Variants in TUSC3 observed in about 807,000 individuals in gnomAD.
TUSC3 encodes the protein dolichyl-diphosphooligosaccharide--protein glycosyltransferase subunit TUSC3.
TUSC3 carries 45 observed loss-of-function variants against 44.8 expected under a neutral mutation model. The observed-to-expected ratio is 1.00, with a 90% CI of 0.79 to 1.29. The LOEUF is 1.29. Ranked by LOEUF, TUSC3 falls within the 50% of genes most tolerant of loss-of-function variation. The pLI is 0.00. For synonymous variants in TUSC3, 212 were observed against 152.9 expected (o/e 1.39, Z -2.85); for missense variants, 519 against 437.9 (o/e 1.19, Z -1.65).
chr8:15,539,345 C>CTTGTTT (rs1801592125), upstream of TUSC3, among the ~76,000 whole-genome samples: 1 of 69,396 alleles, frequency 1.4e-5, no homozygotes, highest in African/African-American at 6.1e-5. Flanking sequence ...TGCTATGGTT[C>CTTGTTT]TTTTTTTTTT....
intron 2 of TUSC3, among the ~76,000 whole-genome samples, chr8:15,624,862 C>G (rs1004005859): frequency 1.3e-5 from 2 of 151,960 alleles, no homozygotes; most frequent in African/African-American, 4.8e-5. Flanking sequence ...GAACTCTTTC[C>G]TTAGCCCTAG....
In TUSC3 at chr8:15,665,352, G is replaced by C. The variant is rs148873060; in HGVS notation, c.708+3056G>C. ...GACTTTTTAGTAAAGGACAAGTCTA[G>C]GTACAATTAGCAGTTGTGTCTTTTT... On this transcript the variant is annotated intron_variant, in intron 5 of 10. Coordinates refer to ENST00000503731, the MANE Select transcript of TUSC3 (RefSeq NM_006765.4). 1.5e-4 allele frequency among the ~76,000 whole-genome samples: 23 copies of C among 151,612 alleles called. No homozygotes were observed. In the East Asian group the frequency reaches 3.7e-3, roughly 24 times the overall value.
the TUSC3 span, among the ~76,000 whole-genome samples, chr8:15,849,198 G>A: frequency 2.0e-5 from 3 of 152,020 alleles, no homozygotes; most frequent in Non-Finnish European, 4.4e-5. Flanking sequence ...ATTCCACTTC[G>A]TGACGTATTC....
Position 15,758,278 on chromosome 8 carries a change from C to T in TUSC3, c.*46+423C>T, listed in dbSNP as rs1812016845. 3 of 978,390 alleles carry T rather than the reference C, an allele frequency of 3.1e-6. No individual in the cohort carries two copies. In the South Asian group the frequency reaches 1.4e-4, roughly 46 times the overall value. 60.6% of individuals were successfully genotyped at this position (978,390 alleles called of 1,614,324 possible). Reference sequence around the variant, plus strand: ...TAATAAAAAATACAAGTCTTCCAAACAGTTAACTTACTGAAAACTTTTTTA... The same window carrying T: ...TAATAAAAAATACAAGTCTTCCAAATAGTTAACTTACTGAAAACTTTTTTA... On this transcript the variant is annotated intron_variant, in intron 10 of 10. Transcript: ENST00000503731.
At chr8:15,593,815 C>T (rs1803954359) in intron 1 of TUSC3, among the ~76,000 whole-genome samples, 1 of 151,262 alleles carries the variant, frequency 6.6e-6, no homozygotes, top group Non-Finnish European at 1.5e-5. Context: ...TCGTCCAGTC[C>T]CTCCTTTCAT....
At chr8:15,712,127 T>C (rs1465965596) in intron 6 of TUSC3, among the ~76,000 whole-genome samples, 2 of 152,002 alleles carry the variant, frequency 1.3e-5, no homozygotes, top group Non-Finnish European at 1.5e-5. Context: ...AATCTTATTT[T>C]ACAAGTATTG....
chr8:15,563,045 T>A (rs928287797), intron 1 of TUSC3, among the ~76,000 whole-genome samples: 2 of 152,148 alleles, frequency 1.3e-5, no homozygotes, highest in Non-Finnish European at 2.9e-5. Context: ...ATTTCATTTA[T>A]GCCTACTAAA....
chr8:15,627,240 C>G (rs74622524), intron 2 of TUSC3, among the ~76,000 whole-genome samples: 42 of 152,312 alleles, frequency 2.8e-4, no homozygotes, highest in African/African-American at 9.9e-4. Flanking sequence ...GCTGCTCTTT[C>G]TGCTGAGAGC....
At chr8:15,536,681 C>CAAAAAAAAGA (rs1801526570), upstream of TUSC3, among the ~76,000 whole-genome samples, 1 of 45,572 alleles carries the variant, frequency 2.2e-5, no homozygotes, top group Non-Finnish European at 4.3e-5. Flanking sequence ...GATTCCGTCT[C>CAAAAAAAAGA]AAAAAAAAAA....
At chr8:15,453,030 C>G (rs1219370877) in intron 1 of TUSC3, among the ~76,000 whole-genome samples, 1 of 152,012 alleles carries the variant, frequency 6.6e-6, no homozygotes, top group East Asian at 1.9e-4. Flanking sequence ...CCCTGAGGAA[C>G]TGCATAACTA....
chr8:15,733,357 T>TG (rs1810800951), intron 7 of TUSC3: 2 of 391,636 alleles, frequency 5.1e-6, no homozygotes, highest in East Asian at 8.1e-5. Context: ...TTTTGTTTTT[T>TG]TTTTTTTCCT....
rs3834708 is a variant in TUSC3 at position 15,757,670 on chromosome 8, CCT to C, written c.1029-120_1029-119del. ...TCTGTAAAGGCACCATCGTCTATCCCCTGTCTTATCTAGATAAAGAATGTAGT... is the reference window on the plus strand; with the variant it reads ...TCTGTAAAGGCACCATCGTCTATCCCGTCTTATCTAGATAAAGAATGTAGT... On this transcript the variant is annotated intron_variant, in intron 9 of 10. Coordinates refer to ENST00000503731, the MANE Select transcript of TUSC3 (RefSeq NM_006765.4). The C allele has an allele frequency of 0.3, 389,482 of 1,287,248 alleles. 60,394 individuals carry two copies. Among genetic ancestry groups the C allele is most frequent in the Admixed American group, 0.45 (25,924 of 57,346 alleles). The allele number at this position is 1,287,248 out of a possible 1,614,324, so 79.7% of individuals were successfully genotyped here.
chr8:15,762,079 A>G (rs1462968780), intron 10 of TUSC3, among the ~76,000 whole-genome samples: 1 of 151,870 alleles, frequency 6.6e-6, no homozygotes, highest in Non-Finnish European at 1.5e-5. Flanking sequence ...TAATGAAAAT[A>G]AAAGTGAAAC....
At chr8:15,792,413 T>C in the TUSC3 span, among the ~76,000 whole-genome samples, 12,493 of 152,198 alleles carry the variant, frequency 0.082, 624 homozygotes, top group South Asian at 0.18. Context: ...GAGATCATTT[T>C]TGAGATACAA....
intron 6 of TUSC3, among the ~76,000 whole-genome samples, chr8:15,706,107 G>C (rs11779621): frequency 0.063 from 9,600 of 151,968 alleles, 374 homozygotes; most frequent in East Asian, 0.18. Flanking sequence ...AGAGACAGGG[G>C]TGTTAACTCC....
the TUSC3 span, among the ~76,000 whole-genome samples, chr8:15,849,326 T>G: frequency 6.6e-6 from 1 of 152,092 alleles, no homozygotes; most frequent in African/African-American, 2.4e-5. Flanking sequence ...ACATTTAGAG[T>G]CACATTTACT....
At chr8:15,532,319 A>C (rs1801460973) in intron 2 of TUSC3, among the ~76,000 whole-genome samples, 1 of 152,196 alleles carries the variant, frequency 6.6e-6, no homozygotes, top group Admixed American at 6.5e-5. Context: ...TGTTTAAAAA[A>C]AGAAAAATGG....
chr8:15,775,518 C>A, the TUSC3 span, among the ~76,000 whole-genome samples: 15 of 152,040 alleles, frequency 9.9e-5, no homozygotes, highest in African/African-American at 3.6e-4. Flanking sequence ...GGTATTTTAA[C>A]AACCTACTAA....
intron 1 of TUSC3, among the ~76,000 whole-genome samples, chr8:15,609,764 A>C (rs144400955): frequency 6.6e-6 from 1 of 152,018 alleles, no homozygotes; most frequent in East Asian, 1.9e-4. Flanking sequence ...AAAAAAAAAC[A>C]TGTTTTCACT....
Sources: allele counts gnomAD v4.1 joint callset (sites outside exome capture counted in the v4.1 genomes callset), GRCh38; gene constraint gnomAD v4.1.1; transcripts MANE v1.5; gene names NCBI Gene and HGNC (gene_info 2026-07-23, HGNC 2026-07-21).